LRRTM4: variants seen among roughly 807,000 people sequenced by gnomAD.
LRRTM4 encodes leucine rich repeat transmembrane neuronal 4.
A neutral mutation model predicts 47.6 loss-of-function variants in LRRTM4; 25 were observed. That is an observed-to-expected ratio of 0.53 (90% CI 0.38 to 0.73). The LOEUF (loss-of-function observed/expected upper bound fraction) is 0.73. Among genes scored for constraint, LRRTM4 ranks in the 30% least tolerant of loss-of-function variants. The pLI, the probability that LRRTM4 is intolerant of heterozygous loss-of-function variation, is 0.00. For synonymous variants in LRRTM4, 311 were observed against 269.5 expected (o/e 1.15, Z -1.51); for missense variants, 638 against 713.4 (o/e 0.89, Z 1.20).
chr2:77,442,753 A>ACTTTT (rs1675895035), intron 3 of LRRTM4, among the ~76,000 whole-genome samples: 1 of 152,188 alleles, frequency 6.6e-6, no homozygotes, highest in Non-Finnish European at 1.5e-5. Context: ...TGCTGATAGC[A>ACTTTT]CTTGGTGTTC....
At chr2:76,831,341 G>A (rs1222412733) in intron 3 of LRRTM4, among the ~76,000 whole-genome samples, 1 of 152,104 alleles carries the variant, frequency 6.6e-6, no homozygotes, top group East Asian at 1.9e-4. Flanking sequence ...GTGTGCGTGT[G>A]CACACGCTCG....
chr2:76,800,991 A>G (rs964607591), intron 3 of LRRTM4, among the ~76,000 whole-genome samples: 4 of 148,076 alleles, frequency 2.7e-5, no homozygotes, highest in Non-Finnish European at 4.5e-5. Context: ...TAGAATGGCA[A>G]TCATTAAAAA....
At chr2:77,062,324 G>A (rs896482810) in intron 3 of LRRTM4, among the ~76,000 whole-genome samples, 2 of 152,162 alleles carry the variant, frequency 1.3e-5, no homozygotes, top group African/African-American at 4.8e-5. Flanking sequence ...ATGTCAGGGA[G>A]AAAAGCAGTT....
chr2:77,214,261 C>A (rs1241035418), intron 3 of LRRTM4, among the ~76,000 whole-genome samples: 1 of 152,074 alleles, frequency 6.6e-6, no homozygotes, highest in Non-Finnish European at 1.5e-5. Context: ...ACAAGAGAGA[C>A]CTGTGTTCTT....
At chr2:77,141,443 G>T (rs978793894) in intron 3 of LRRTM4, among the ~76,000 whole-genome samples, 4 of 147,842 alleles carry the variant, frequency 2.7e-5, no homozygotes, top group African/African-American at 1.0e-4. Flanking sequence ...GACACAGGAG[G>T]GGGAACATCA....
At chr2:77,401,335 C>T (rs1225377464) in intron 3 of LRRTM4, among the ~76,000 whole-genome samples, 1 of 151,966 alleles carries the variant, frequency 6.6e-6, no homozygotes, top group Non-Finnish European at 1.5e-5. Context: ...TAATCTCTTA[C>T]CATGCAGGTA....
chr2:76,979,677 C>T (rs1023227848), intron 3 of LRRTM4, among the ~76,000 whole-genome samples: 3 of 126,852 alleles, frequency 2.4e-5, no homozygotes, highest in African/African-American at 1.0e-4. Flanking sequence ...TGAATCACAG[C>T]TTTCAATTAG....
chr2:77,077,108 A>G (rs1183502609), intron 3 of LRRTM4, among the ~76,000 whole-genome samples: 1 of 152,230 alleles, frequency 6.6e-6, no homozygotes, highest in Non-Finnish European at 1.5e-5. Context: ...ATTAGAATGT[A>G]CATAGAGTAT....
chr2:77,177,649 G>C (rs1473400548), intron 3 of LRRTM4, among the ~76,000 whole-genome samples: 1 of 152,168 alleles, frequency 6.6e-6, no homozygotes, highest in Admixed American at 6.5e-5. Flanking sequence ...GCTTTCTTAT[G>C]ATCTCCACTG....
At chr2:76,955,701 A>C (rs1339440153) in intron 3 of LRRTM4, among the ~76,000 whole-genome samples, 1 of 151,746 alleles carries the variant, frequency 6.6e-6, no homozygotes, top group African/African-American at 2.4e-5. Context: ...ATGACCACCT[A>C]AAAACAGAAG....
chr2:77,368,628 G>C (rs1672543750), intron 3 of LRRTM4, among the ~76,000 whole-genome samples: 1 of 151,744 alleles, frequency 6.6e-6, no homozygotes, highest in South Asian at 2.1e-4. Flanking sequence ...TTTGCATTAT[G>C]TTATAATATT....
chr2:76,841,672 A>G (rs1255549722), intron 3 of LRRTM4, among the ~76,000 whole-genome samples: 1 of 150,072 alleles, frequency 6.7e-6, no homozygotes, highest in East Asian at 1.9e-4. Context: ...GAGAAAAAAA[A>G]AAAAAACTTT....
At chr2:77,133,508 G>A (rs944759649) in intron 3 of LRRTM4, among the ~76,000 whole-genome samples, 3 of 152,074 alleles carry the variant, frequency 2.0e-5, no homozygotes, top group Non-Finnish European at 2.9e-5. Context: ...TTCATGTTAA[G>A]GTGGATTAAT....
chr2:77,294,123 C>A (rs1347788582), intron 3 of LRRTM4, among the ~76,000 whole-genome samples: 1 of 151,966 alleles, frequency 6.6e-6, no homozygotes, highest in Non-Finnish European at 1.5e-5. Flanking sequence ...ATTGTAGACC[C>A]TTACGTATTA....
chr2:76,854,612 T>C (rs1573215033), intron 3 of LRRTM4, among the ~76,000 whole-genome samples: 1 of 152,148 alleles, frequency 6.6e-6, no homozygotes, highest in East Asian at 1.9e-4. Flanking sequence ...TAGTTGAATT[T>C]ACCAATCACA....
chr2:77,248,715 A>G (rs1307672208), intron 3 of LRRTM4, among the ~76,000 whole-genome samples: 1 of 152,166 alleles, frequency 6.6e-6, no homozygotes, highest in African/African-American at 2.4e-5. Flanking sequence ...CCAATGAAAC[A>G]GAACAGAAAA....
intron 3 of LRRTM4, among the ~76,000 whole-genome samples, chr2:76,937,788 G>A (rs1675007382): frequency 1.3e-5 from 2 of 151,882 alleles, no homozygotes; most frequent in South Asian, 4.1e-4. Context: ...GGATGGTCTC[G>A]ATCTCGTGAT....
intron 3 of LRRTM4, among the ~76,000 whole-genome samples, chr2:77,415,746 G>T (rs1033416229): frequency 2.0e-5 from 3 of 151,662 alleles, no homozygotes; most frequent in Non-Finnish European, 4.4e-5. Context: ...TCTATATTTT[G>T]TACTATGGCT....
At chr2:76,777,463 GA>G (rs1288240521) in intron 3 of LRRTM4, among the ~76,000 whole-genome samples, 7 of 143,084 alleles carry the variant, frequency 4.9e-5, no homozygotes, top group African/African-American at 1.9e-4. Context: ...TCTCCTTGAA[GA>G]GGTCCTTCAC....
Sources: allele counts gnomAD v4.1 joint callset (sites outside exome capture counted in the v4.1 genomes callset), GRCh38; gene constraint gnomAD v4.1.1; transcripts MANE v1.5; gene names NCBI Gene and HGNC (gene_info 2026-07-23, HGNC 2026-07-21).